PHLPP1: variants seen among roughly 807,000 people sequenced by gnomAD.
The protein encoded by PHLPP1 is PH domain and leucine rich repeat protein phosphatase 1, also known as PH domain leucine-rich repeat-containing protein phosphatase 1.
A neutral mutation model predicts 117.2 loss-of-function variants in PHLPP1; 42 were observed. The ratio of observed to expected loss-of-function variants is 0.36; its 90% CI spans 0.28 to 0.46. The LOEUF is 0.46. Among genes scored for constraint, PHLPP1 ranks in the 20% least tolerant of loss-of-function variants. The pLI is 1.00. For synonymous variants in PHLPP1, 1,042 were observed against 970.7 expected (o/e 1.07, Z -1.37); for missense variants, 2,084 against 2,241.9 (o/e 0.93, Z 1.42).
intron 15 of PHLPP1, among the ~76,000 whole-genome samples, chr18:62,974,901 G>A (rs1414695768): frequency 3.3e-5 from 5 of 152,216 alleles, no homozygotes; most frequent in African/African-American, 1.2e-4. Context: ...ACCCTTATAA[G>A]GGGGAGAGGG....
intron 3 of PHLPP1, among the ~76,000 whole-genome samples, chr18:62,847,174 A>G (rs1305529161): frequency 6.6e-6 from 1 of 152,138 alleles, no homozygotes; most frequent in Non-Finnish European, 1.5e-5. Flanking sequence ...AATGCATCCC[A>G]TGTACTTCCA....
chr18:62,772,610 G>A (rs777660084), intron 1 of PHLPP1, among the ~76,000 whole-genome samples: 38 of 151,834 alleles, frequency 2.5e-4, no homozygotes, highest in South Asian at 2.1e-4. Flanking sequence ...TGGGTGGATC[G>A]CATGAGGTCA....
intron 4 of PHLPP1, among the ~76,000 whole-genome samples, chr18:62,879,217 T>G (rs1222435775): frequency 6.6e-6 from 1 of 152,194 alleles, no homozygotes; most frequent in Non-Finnish European, 1.5e-5. Context: ...CATGAATGTA[T>G]TAATGCCCAT....
intron 1 of PHLPP1, among the ~76,000 whole-genome samples, chr18:62,797,965 C>T (rs952066745): frequency 6.6e-6 from 1 of 152,154 alleles, no homozygotes. Flanking sequence ...TAGTAACTCT[C>T]AGTACATGTC....
chr18:62,939,615 C>G (rs1910071736), intron 10 of PHLPP1, among the ~76,000 whole-genome samples: 1 of 149,604 alleles, frequency 6.7e-6, no homozygotes, highest in South Asian at 2.1e-4. Context: ...TATTTATGGT[C>G]TGGATAGCCG....
chr18:62,844,728 A>T (rs1915138567), intron 3 of PHLPP1, among the ~76,000 whole-genome samples: 1 of 152,214 alleles, frequency 6.6e-6, no homozygotes, highest in South Asian at 2.1e-4. Flanking sequence ...GACAGTTCAG[A>T]TAAAGATTAG....
chr18:62,951,697 AT>A (rs2144466776), intron 12 of PHLPP1, among the ~76,000 whole-genome samples: 1 of 152,176 alleles, frequency 6.6e-6, no homozygotes, highest in South Asian at 2.1e-4. Context: ...TAATGTAAAA[AT>A]AATGGCTCTT....
intron 1 of PHLPP1, among the ~76,000 whole-genome samples, chr18:62,728,657 C>T (rs1316113196): frequency 6.6e-6 from 1 of 152,000 alleles, no homozygotes; most frequent in Non-Finnish European, 1.5e-5. Context: ...TACAGGTACA[C>T]ACCACTACAC....
chr18:62,728,053 G>A (rs1911127112), intron 1 of PHLPP1, among the ~76,000 whole-genome samples: 1 of 152,168 alleles, frequency 6.6e-6, no homozygotes, highest in South Asian at 2.1e-4. Flanking sequence ...TTGGGAGGCT[G>A]AGGCAGGCGG....
At chr18:62,818,475 C>T (rs1225610217) in intron 1 of PHLPP1, among the ~76,000 whole-genome samples, 3 of 152,060 alleles carry the variant, frequency 2.0e-5, no homozygotes, top group African/African-American at 7.2e-5. Flanking sequence ...TTACAGTGAG[C>T]CAAGATTGCG....
At chr18:62,927,841 C>T (rs1343429808) in intron 10 of PHLPP1, among the ~76,000 whole-genome samples, 1 of 151,260 alleles carries the variant, frequency 6.6e-6, no homozygotes, top group Non-Finnish European at 1.5e-5. Flanking sequence ...CAACAACAAA[C>T]AAAATACCTT....
chr18:62,819,141 G>A (rs1037334805), intron 1 of PHLPP1, among the ~76,000 whole-genome samples: 3 of 152,136 alleles, frequency 2.0e-5, no homozygotes, highest in Non-Finnish European at 4.4e-5. Context: ...TAACATGTAA[G>A]GAAACAAACA....
chr18:62,932,498 A>G (rs1400299193), intron 10 of PHLPP1, among the ~76,000 whole-genome samples: 1 of 152,248 alleles, frequency 6.6e-6, no homozygotes, highest in East Asian at 1.9e-4. Context: ...CACCACATAA[A>G]CAGAATTAAA....
intron 1 of PHLPP1, among the ~76,000 whole-genome samples, chr18:62,794,417 A>T (rs1913562324): frequency 6.6e-6 from 1 of 151,468 alleles, no homozygotes; most frequent in African/African-American, 2.4e-5. Context: ...AACCATGCTG[A>T]GTGCAGTAGC....
intron 10 of PHLPP1, among the ~76,000 whole-genome samples, chr18:62,924,800 C>G (rs1057438262): frequency 6.7e-6 from 1 of 149,522 alleles, no homozygotes; most frequent in African/African-American, 2.5e-5. Context: ...ATCACGCCAC[C>G]TACACTCCAG....
intron 12 of PHLPP1, among the ~76,000 whole-genome samples, chr18:62,950,803 C>G (rs1473090328): frequency 6.6e-6 from 1 of 152,068 alleles, no homozygotes; most frequent in East Asian, 1.9e-4. Context: ...AATGTCAATT[C>G]CTGTTTGGGA....
chr18:62,881,711 C>G (rs1310060740), intron 4 of PHLPP1, among the ~76,000 whole-genome samples: 1 of 152,172 alleles, frequency 6.6e-6, no homozygotes, highest in Non-Finnish European at 1.5e-5. Flanking sequence ...GGGAACAAGG[C>G]TGGTGGACTC....
intron 1 of PHLPP1, among the ~76,000 whole-genome samples, chr18:62,828,458 G>A (rs1438341162): frequency 1.3e-5 from 2 of 152,176 alleles, no homozygotes; most frequent in African/African-American, 4.8e-5. Flanking sequence ...TGTTTGCTGG[G>A]CACCTGGTTC....
At chr18:62,724,698 A>T (rs1390455835) in intron 1 of PHLPP1, among the ~76,000 whole-genome samples, 1 of 152,192 alleles carries the variant, frequency 6.6e-6, no homozygotes, top group African/African-American at 2.4e-5. Context: ...TGCTTTACAC[A>T]GTTAGTCGTT....
Sources: allele counts gnomAD v4.1 joint callset (sites outside exome capture counted in the v4.1 genomes callset), GRCh38; gene constraint gnomAD v4.1.1; transcripts MANE v1.5; gene names NCBI Gene and HGNC (gene_info 2026-07-23, HGNC 2026-07-21).